Variants in GALNT13 observed in about 807,000 individuals in gnomAD.
GALNT13 encodes the protein UDP-GalNAc:polypeptide N-acetylgalactosaminyltransferase 13.
In GALNT13, 28 loss-of-function variants were observed where a neutral mutation model predicts 64.2. The ratio of observed to expected loss-of-function variants is 0.44; its 90% CI spans 0.32 to 0.60. GALNT13 has a LOEUF of 0.60. Ranked by LOEUF, GALNT13 falls within the 20% of genes least tolerant of loss-of-function variation. The pLI, the probability that GALNT13 is intolerant of heterozygous loss-of-function variation, is 0.05. For missense variants in GALNT13, 577 were observed against 669.8 expected, an observed-to-expected ratio of 0.86 and a Z score of 1.53; for synonymous variants, 214 against 224.6, an observed-to-expected ratio of 0.95 and a Z score of 0.42.
In GALNT13 at chr2:154,207,668, T is replaced by A. The variant is rs145001468; in HGVS notation, c.312-34362T>A. Among the ~76,000 whole-genome samples, 1,029 of 152,258 alleles carry A rather than the reference T, an allele frequency of 6.8e-3. 9 individuals are homozygous for A. Among genetic ancestry groups the A allele is most frequent in the African/African-American group, 0.024 (995 of 41,544 alleles). ...AATAAAGATCAGGTGATTAATTATATTTAGGATCCCAGGAAAAAGGGACAG... is the reference window on the plus strand; with the variant it reads ...AATAAAGATCAGGTGATTAATTATAATTAGGATCCCAGGAAAAAGGGACAG... On this transcript the variant is annotated intron_variant, in intron 4 of 12. Transcript: ENST00000392825.
chr2:154,433,569 A>G (rs1470588725), intron 11 of GALNT13, among the ~76,000 whole-genome samples: 2 of 152,192 alleles, frequency 1.3e-5, no homozygotes, highest in Non-Finnish European at 2.9e-5. Flanking sequence ...GAATAAAAAA[A>G]AAGCTTAAGT....
chr2:154,147,795 GT>G (rs1365257997), intron 4 of GALNT13, among the ~76,000 whole-genome samples: 1 of 150,516 alleles, frequency 6.6e-6, no homozygotes, highest in Non-Finnish European at 1.5e-5. Context: ...TTTTACTTAT[GT>G]TTTTCCTACT....
At chr2:153,602,205 G>GTTT in the GALNT13 span, among the ~76,000 whole-genome samples, 3 of 151,796 alleles carry the variant, frequency 2.0e-5, no homozygotes, top group Non-Finnish European at 2.9e-5. Flanking sequence ...GATATAACAT[G>GTTT]TTTTTAATTT....
At chr2:153,750,940 A>C in the GALNT13 span, among the ~76,000 whole-genome samples, 4 of 151,760 alleles carry the variant, frequency 2.6e-5, no homozygotes, top group Non-Finnish European at 4.4e-5. Flanking sequence ...TGTTATAGGC[A>C]CTTAAAGCTA....
chr2:153,562,270 G>A, the GALNT13 span, among the ~76,000 whole-genome samples: 1 of 151,996 alleles, frequency 6.6e-6, no homozygotes, highest in Non-Finnish European at 1.5e-5. Context: ...GATACACTTA[G>A]TTCGTTTTTT....
the GALNT13 span, among the ~76,000 whole-genome samples, chr2:153,552,575 CTTTTTTTTTTTTT>C: frequency 2.8e-3 from 196 of 69,342 alleles, 1 homozygote; most frequent in Middle Eastern, 0.013. Context: ...GCTTCTTCTT[CTTTTTTTTTTTTT>C]TTTTTTTTTT....
chr2:153,098,999 G>A, the GALNT13 span, among the ~76,000 whole-genome samples: 1 of 152,104 alleles, frequency 6.6e-6, no homozygotes, highest in Non-Finnish European at 1.5e-5. Flanking sequence ...ATGAGTAGCT[G>A]TAGTTCGAGC....
At chr2:153,540,254 A>G in the GALNT13 span, among the ~76,000 whole-genome samples, 1 of 152,332 alleles carries the variant, frequency 6.6e-6, no homozygotes, top group Non-Finnish European at 1.5e-5. Context: ...TTCAGAGGGT[A>G]CAAGTCCCAA....
intron 3 of GALNT13, among the ~76,000 whole-genome samples, chr2:154,137,134 T>C (rs1683002066): frequency 6.8e-6 from 1 of 146,124 alleles, no homozygotes. Context: ...TTCCCATTTG[T>C]TATTTATGCT....
the GALNT13 span, among the ~76,000 whole-genome samples, chr2:153,359,433 A>G: frequency 6.6e-6 from 1 of 152,084 alleles, no homozygotes. Context: ...TTTTTATTAA[A>G]GTGAAATATC....
chr2:154,021,176 C>T (rs1164049457), intron 3 of GALNT13, among the ~76,000 whole-genome samples: 40 of 152,164 alleles, frequency 2.6e-4, no homozygotes, highest in Admixed American at 7.9e-4. Context: ...ATTGACTTGG[C>T]GATGCGGGCT....
At chr2:153,760,293 A>G in the GALNT13 span, among the ~76,000 whole-genome samples, 1 of 151,274 alleles carries the variant, frequency 6.6e-6, no homozygotes, top group Non-Finnish European at 1.5e-5. Context: ...CTTTTCTAAC[A>G]TTTATTTTCT....
chr2:154,079,126 A>G (rs1701139831), intron 3 of GALNT13, among the ~76,000 whole-genome samples: 1 of 151,686 alleles, frequency 6.6e-6, no homozygotes, highest in Non-Finnish European at 1.5e-5. Context: ...CTCTACTGGT[A>G]TATGGAGGGA....
chr2:153,776,872 T>G, the GALNT13 span, among the ~76,000 whole-genome samples: 1 of 152,226 alleles, frequency 6.6e-6, no homozygotes, highest in Non-Finnish European at 1.5e-5. Flanking sequence ...TAAGTTTCTC[T>G]TCCTTGGCCA....
the GALNT13 span, among the ~76,000 whole-genome samples, chr2:153,615,379 C>T: frequency 2.6e-3 from 393 of 152,034 alleles, 2 homozygotes; most frequent in African/African-American, 8.7e-3. Flanking sequence ...CCTTTATTTT[C>T]GTTGTATACC....
intron 3 of GALNT13, among the ~76,000 whole-genome samples, chr2:154,103,997 T>A (rs536361683): frequency 4.6e-5 from 7 of 152,250 alleles, no homozygotes; most frequent in African/African-American, 1.7e-4. Context: ...GCACCCTCCC[T>A]GACCCCTGAT....
At chr2:154,086,935 A>G (rs1025821694) in intron 3 of GALNT13, among the ~76,000 whole-genome samples, 5 of 152,112 alleles carry the variant, frequency 3.3e-5, no homozygotes, top group African/African-American at 1.2e-4. Flanking sequence ...TTAGTTCACC[A>G]CATGCACTGT....
chr2:153,620,375 C>A, the GALNT13 span, among the ~76,000 whole-genome samples: 1 of 152,012 alleles, frequency 6.6e-6, no homozygotes, highest in Non-Finnish European at 1.5e-5. Flanking sequence ...CCACCCATCT[C>A]GGCCTCCCAA....
At chr2:154,362,456 G>A (rs557449537) in intron 9 of GALNT13, among the ~76,000 whole-genome samples, 3 of 151,670 alleles carry the variant, frequency 2.0e-5, no homozygotes, top group African/African-American at 4.8e-5. Context: ...TTTTCTCTCG[G>A]AGAATGTTTA....
Sources: gnomAD v4.1 joint callset for allele counts (sites outside exome capture counted in the v4.1 genomes callset) on GRCh38, gnomAD v4.1.1 for gene constraint, MANE v1.5 for transcripts, NCBI Gene and HGNC (gene_info 2026-07-23, HGNC 2026-07-21) for gene names.